The following GALNT13 variants were observed in gnomAD, a reference collection of about 807,000 sequenced individuals.
GALNT13 encodes UDP-GalNAc:polypeptide N-acetylgalactosaminyltransferase 13.
Under a neutral mutation model 64.2 loss-of-function variants are expected in GALNT13, and 28 were observed. The ratio of observed to expected loss-of-function variants is 0.44; its 90% CI spans 0.32 to 0.60. GALNT13 has a LOEUF of 0.60. Ranked by LOEUF, GALNT13 falls within the 20% of genes least tolerant of loss-of-function variation. The pLI is 0.05. For synonymous variants in GALNT13, 214 were observed against 224.6 expected (o/e 0.95, Z 0.42); for missense variants, 577 against 669.8 (o/e 0.86, Z 1.53).
At chr2:154,055,337 C>A (rs1481238047) in intron 3 of GALNT13, among the ~76,000 whole-genome samples, 1 of 151,906 alleles carries the variant, frequency 6.6e-6, no homozygotes, top group African/African-American at 2.4e-5. Flanking sequence ...TCATAAATTA[C>A]AATTGAGTGC....
chr2:153,904,450 G>A (rs1433987968), intron 2 of GALNT13, among the ~76,000 whole-genome samples: 1 of 151,828 alleles, frequency 6.6e-6, no homozygotes, highest in African/African-American at 2.4e-5. Context: ...ATTCATTAGT[G>A]TGTAAGAGTT....
At chr2:153,827,083 T>C in the GALNT13 span, among the ~76,000 whole-genome samples, 1 of 152,112 alleles carries the variant, frequency 6.6e-6, no homozygotes, top group African/African-American at 2.4e-5. Flanking sequence ...GAGTCTCACA[T>C]GATTGTAGAG....
At chr2:153,257,160 C>T in the GALNT13 span, among the ~76,000 whole-genome samples, 5 of 152,304 alleles carry the variant, frequency 3.3e-5, no homozygotes, top group East Asian at 5.8e-4. Context: ...TGTGGTGCGC[C>T]GTTTTTTAAG....
the GALNT13 span, among the ~76,000 whole-genome samples, chr2:153,319,887 T>A: frequency 6.6e-6 from 1 of 151,702 alleles, no homozygotes; most frequent in East Asian, 1.9e-4. Context: ...GGGAAGAGAG[T>A]GGGAGTCAAT....
At chr2:153,599,626 C>T in the GALNT13 span, among the ~76,000 whole-genome samples, 3 of 152,028 alleles carry the variant, frequency 2.0e-5, no homozygotes, top group African/African-American at 4.8e-5. Context: ...AGCTGTTTCA[C>T]CACATTCATT....
At chr2:153,344,045 T>C in the GALNT13 span, among the ~76,000 whole-genome samples, 1 of 152,214 alleles carries the variant, frequency 6.6e-6, no homozygotes, top group African/African-American at 2.4e-5. Flanking sequence ...CATATGTCTA[T>C]ACTATAATTT....
the GALNT13 span, among the ~76,000 whole-genome samples, chr2:153,557,345 A>G: frequency 6.6e-6 from 1 of 152,214 alleles, no homozygotes; most frequent in Non-Finnish European, 1.5e-5. Flanking sequence ...TTTCACAAAT[A>G]CGAAATCACC....
At chr2:154,307,008 CG>C (rs1684888817) in intron 9 of GALNT13, among the ~76,000 whole-genome samples, 1 of 149,222 alleles carries the variant, frequency 6.7e-6, no homozygotes, top group Admixed American at 6.7e-5. Context: ...TTTTTTTTAG[CG>C]TTACACTAAA....
At chr2:153,927,221 AG>A (rs1223341894) in intron 2 of GALNT13, among the ~76,000 whole-genome samples, 1 of 152,096 alleles carries the variant, frequency 6.6e-6, no homozygotes, top group Admixed American at 6.6e-5. Flanking sequence ...AAAGAAAGAA[AG>A]GACCCGTTTA....
chr2:153,404,019 C>T, the GALNT13 span, among the ~76,000 whole-genome samples: 15,271 of 152,260 alleles, frequency 0.1, 888 homozygotes, highest in South Asian at 0.22. Context: ...TCTCAGAAAT[C>T]TGTGTTTCTA....
the GALNT13 span, among the ~76,000 whole-genome samples, chr2:153,150,155 A>T: frequency 7.2e-5 from 11 of 151,894 alleles, no homozygotes; most frequent in Non-Finnish European, 1.0e-4. Context: ...GAAAGTCCTG[A>T]TGTACTATAT....
chr2:154,359,823 A>G (rs2105281508), intron 9 of GALNT13, among the ~76,000 whole-genome samples: 1 of 152,242 alleles, frequency 6.6e-6, no homozygotes, highest in African/African-American at 2.4e-5. Context: ...TTTACTCAAA[A>G]TCAATGTGAA....
intron 9 of GALNT13, among the ~76,000 whole-genome samples, chr2:154,392,020 AT>A (rs1698817239): frequency 6.6e-6 from 1 of 152,216 alleles, no homozygotes; most frequent in South Asian, 2.1e-4. Context: ...GGGTAACACC[AT>A]TACAGACAGA....
At chr2:154,421,305 A>G (rs896286092) in intron 11 of GALNT13, among the ~76,000 whole-genome samples, 3 of 152,148 alleles carry the variant, frequency 2.0e-5, no homozygotes, top group Admixed American at 2.0e-4. Flanking sequence ...GTCATCAAAT[A>G]TAAAATATTA....
At chr2:153,692,615 A>G in the GALNT13 span, among the ~76,000 whole-genome samples, 1 of 152,024 alleles carries the variant, frequency 6.6e-6, no homozygotes, top group African/African-American at 2.4e-5. Context: ...GGTGAAAGCT[A>G]TTTTTTTCTA....
At chr2:153,226,058 T>G in the GALNT13 span, among the ~76,000 whole-genome samples, 1 of 152,006 alleles carries the variant, frequency 6.6e-6, no homozygotes, top group South Asian at 2.1e-4. Context: ...TTCAGCCTCC[T>G]TAGTAGTAGC....
the GALNT13 span, among the ~76,000 whole-genome samples, chr2:153,437,803 A>T: frequency 1.3e-5 from 2 of 152,142 alleles, no homozygotes; most frequent in African/African-American, 4.8e-5. Flanking sequence ...GTGTCTTTTA[A>T]TTGGAGCATT....
chr2:153,536,010 G>A, the GALNT13 span, among the ~76,000 whole-genome samples: 5 of 152,088 alleles, frequency 3.3e-5, no homozygotes, highest in African/African-American at 1.2e-4. Flanking sequence ...TATCTGACTC[G>A]GGGCATGTTG....
chr2:153,244,651 C>T, the GALNT13 span, among the ~76,000 whole-genome samples: 1 of 152,190 alleles, frequency 6.6e-6, no homozygotes, highest in Non-Finnish European at 1.5e-5. Context: ...GACTGGGGTT[C>T]CAGGTGCCAC....
Sources: gnomAD v4.1 joint callset for allele counts (sites outside exome capture counted in the v4.1 genomes callset) on GRCh38, gnomAD v4.1.1 for gene constraint, MANE v1.5 for transcripts, NCBI Gene and HGNC (gene_info 2026-07-23, HGNC 2026-07-21) for gene names.